The following NEDD9 variants were observed in gnomAD, a reference collection of about 807,000 sequenced individuals.
NEDD9 encodes the protein neural precursor cell expressed, developmentally down-regulated 9.
In NEDD9, 26 loss-of-function variants were observed where a neutral mutation model predicts 76.6. That is an observed-to-expected ratio of 0.34 (90% CI 0.25 to 0.47). The LOEUF is 0.47. Ranked by LOEUF, NEDD9 falls within the 20% of genes least tolerant of loss-of-function variation. NEDD9 has a pLI of 1.00. For missense variants in NEDD9, 937 were observed against 1,058.5 expected, an observed-to-expected ratio of 0.89 and a Z score of 1.59; for synonymous variants, 392 against 414.2, an observed-to-expected ratio of 0.95 and a Z score of 0.65.
At chr6:11,242,326 G>A (rs1199455172) in intron 3 of NEDD9, among the ~76,000 whole-genome samples, 1 of 152,210 alleles carries the variant, frequency 6.6e-6, no homozygotes, top group Non-Finnish European at 1.5e-5. Flanking sequence ...CTGGCACCCT[G>A]TGATTTCAGA....
At chr6:11,330,560 G>C (rs750008873) in intron 2 of NEDD9, among the ~76,000 whole-genome samples, 1 of 152,152 alleles carries the variant, frequency 6.6e-6, no homozygotes, top group African/African-American at 2.4e-5. Context: ...GCTGAGACTG[G>C]AAGCCAATCA....
intron 3 of NEDD9, among the ~76,000 whole-genome samples, chr6:11,279,042 G>C (rs1016602707): frequency 6.6e-6 from 1 of 152,056 alleles, no homozygotes; most frequent in African/African-American, 2.4e-5. Context: ...TCATTATTCT[G>C]AGCCAGTTAA....
At chr6:11,273,239 T>G (rs770671990) in intron 3 of NEDD9, among the ~76,000 whole-genome samples, 1 of 152,226 alleles carries the variant, frequency 6.6e-6, no homozygotes, top group Non-Finnish European at 1.5e-5. Context: ...AGCCAGGCAA[T>G]TAACCATCTA....
At chr6:11,381,564 C>G (rs999146051) in intron 1 of NEDD9, among the ~76,000 whole-genome samples, 3 of 152,136 alleles carry the variant, frequency 2.0e-5, no homozygotes, top group African/African-American at 7.2e-5. Flanking sequence ...AAGGGTGGAG[C>G]TCTTGGGCGG....
At position 11,193,439 on chromosome 6, in the gene NEDD9, T is replaced by C. The variant is rs181959303; in HGVS notation, c.561+152A>G. 212 of 462,698 alleles carry C rather than the reference T, an allele frequency of 4.6e-4. 1 individual carries two copies. Among genetic ancestry groups the C allele is most frequent in the African/African-American group, 4.0e-3 (201 of 50,564 alleles). The allele number at this position is 462,698 out of a possible 1,614,324, so 28.7% of individuals were successfully genotyped here. A position where few individuals can be genotyped will look rare whatever the true frequency, so the allele number is the denominator to read the frequency against. On this transcript the variant is annotated intron_variant, in intron 3 of 6. Transcript: ENST00000379446. ...TCCAGAAAACATAATTTAAATAGCA[T>C]TGGCTAAAGTGGCTACTGGGTAGAC...
At chr6:11,327,113 G>A (rs974863707) in intron 2 of NEDD9, among the ~76,000 whole-genome samples, 17 of 152,162 alleles carry the variant, frequency 1.1e-4, no homozygotes, top group Non-Finnish European at 2.5e-4. Flanking sequence ...GACTGTACTG[G>A]TGTGGCATGG....
Position 11,193,614 on chromosome 6 carries a change from G to A in NEDD9, c.538C>T (p.Pro180Ser), listed in dbSNP as rs748142134. 3 of 1,613,460 alleles carry A rather than the reference G, an allele frequency of 1.9e-6. No homozygotes were observed. Among genetic ancestry groups the A allele is most frequent in the Non-Finnish European group, 2.5e-6 (3 of 1,179,546 alleles). ...SRYQKDVYDIPPSHTTQGVYD... is the reference protein window; with the variant it reads ...SRYQKDVYDISPSHTTQGVYD... ...ACCCCTTGAGTGGTATGAGAAGGAGGGATATCATAGACGTCCTTTTGGTAT... is the reference window on the plus strand; with the variant it reads ...ACCCCTTGAGTGGTATGAGAAGGAGAGATATCATAGACGTCCTTTTGGTAT... The change falls in exon 3 of 7, where the codon CCT (proline) becomes TCT (serine). Residue 180 changes from proline to serine, a missense_variant. Coordinates refer to ENST00000379446, the MANE Select transcript of NEDD9 (RefSeq NM_006403.4).
At chr6:11,274,912 G>A (rs572732339) in intron 3 of NEDD9, among the ~76,000 whole-genome samples, 293 of 152,320 alleles carry the variant, frequency 1.9e-3, no homozygotes, top group African/African-American at 6.6e-3. Context: ...AATGAAATCA[G>A]TGTGTCAAAG....
chr6:11,362,572 A>G (rs1027012058), intron 1 of NEDD9, among the ~76,000 whole-genome samples: 1 of 152,204 alleles, frequency 6.6e-6, no homozygotes, highest in Non-Finnish European at 1.5e-5. Flanking sequence ...AAATTATGGT[A>G]TTAACTGCAG....
rs190601541 is a variant in NEDD9 at position 11,350,087 on chromosome 6, T to C, written c.-213-15526A>G. ...GCCTGGGCAATACAGTTTGATCTAA[T>C]ACACAATAAACTAATTGACAATTGG... On this transcript the variant is annotated intron_variant, in intron 1 of 3. Transcript: ENST00000397378. Among the ~76,000 whole-genome samples the C allele has an allele frequency of 5.3e-4, 81 of 152,332 alleles. 1 individual carries two copies. In the East Asian group the frequency reaches 0.013, roughly 24 times the overall value.
chr6:11,186,837 C>T (rs936249297), intron 6 of NEDD9, among the ~76,000 whole-genome samples: 14 of 152,244 alleles, frequency 9.2e-5, no homozygotes, highest in South Asian at 6.2e-4. Flanking sequence ...AGGATGGTCT[C>T]GATCTCCTGA....
At chr6:11,317,630 C>T (rs1466680839) in intron 2 of NEDD9, among the ~76,000 whole-genome samples, 2 of 152,062 alleles carry the variant, frequency 1.3e-5, no homozygotes. Flanking sequence ...CGCCAACTGC[C>T]GCTGGGTTGA....
chr6:11,319,223 CAGCTGCCTGGCCCAGGCT>C (rs1223682299), intron 2 of NEDD9, among the ~76,000 whole-genome samples: 10 of 152,350 alleles, frequency 6.6e-5, no homozygotes, highest in Admixed American at 6.5e-4. Flanking sequence ...CTGCTGTTCA[CAGCTGCCTGGCCCAGGCT>C]GGGTGCCTGG....
At chr6:11,339,485 A>G (rs559812707) in intron 1 of NEDD9, among the ~76,000 whole-genome samples, 1 of 152,236 alleles carries the variant, frequency 6.6e-6, no homozygotes. Flanking sequence ...CCTCTATGAA[A>G]ACCTACTTTT....
intron 2 of NEDD9, among the ~76,000 whole-genome samples, chr6:11,320,761 T>C (rs996297631): frequency 6.6e-6 from 1 of 152,120 alleles, no homozygotes; most frequent in Non-Finnish European, 1.5e-5. Flanking sequence ...TAAGATATAA[T>C]GGTGAGTGAA....
In NEDD9 at chr6:11,228,160, G is replaced by A. The variant is rs116356892; in HGVS notation, c.12+4344C>T. Among the ~76,000 whole-genome samples the A allele has an allele frequency of 5.0e-3, 761 of 152,112 alleles. 3 individuals are homozygous for A. Among genetic ancestry groups the A allele is most frequent in the African/African-American group, 0.015 (617 of 41,450 alleles). On this transcript the variant is annotated intron_variant, in intron 1 of 6. Coordinates refer to ENST00000379446, the MANE Select transcript of NEDD9 (RefSeq NM_006403.4). ...CTACGGAAGTCAGTATTAAAGAAGC[G>A]TAAGGAAAGCCTGAAAAGAAGAAGA... is the stretch of plus-strand genomic sequence containing the variant.
chr6:11,380,931 C>G (rs1364414373), intron 1 of NEDD9, among the ~76,000 whole-genome samples: 3 of 152,176 alleles, frequency 2.0e-5, no homozygotes, highest in Non-Finnish European at 4.4e-5. Context: ...GCCTTAGCCT[C>G]CTGCATAGCC....
chr6:11,311,287 G>C lies in NEDD9; in HGVS notation c.-152-5132C>G, dbSNP rs980120926. Among the ~76,000 whole-genome samples the C allele has an allele frequency of 7.2e-5, 11 of 152,334 alleles. 1 individual carries two copies. Among genetic ancestry groups the C allele is most frequent in the African/African-American group, 2.4e-4 (10 of 41,568 alleles). ...GTTAAGATGAGGTCCTACTAGAGCA[G>C]GGTGGGCCCCTCATCCAACTGGACT... On this transcript the variant is annotated intron_variant, in intron 2 of 3. Coordinates refer to the NEDD9 transcript ENST00000397378.
chr6:11,247,071 T>TG (rs1411041696), intron 3 of NEDD9, among the ~76,000 whole-genome samples: 5 of 152,004 alleles, frequency 3.3e-5, no homozygotes, highest in African/African-American at 1.2e-4. Context: ...TCTTCCCATC[T>TG]CCCCTTGAAA....
Sources: gnomAD v4.1 joint callset for allele counts (sites outside exome capture counted in the v4.1 genomes callset) on GRCh38, gnomAD v4.1.1 for gene constraint, MANE v1.5 for transcripts, NCBI Gene and HGNC (gene_info 2026-07-23, HGNC 2026-07-21) for gene names.